The following SVEP1 variants were observed in gnomAD, a reference collection of about 807,000 sequenced individuals.
The protein encoded by SVEP1 is sushi, von Willebrand factor type A, EGF and pentraxin domain-containing protein 1.
Under a neutral mutation model 367.3 loss-of-function variants are expected in SVEP1, and 164 were observed. The ratio of observed to expected loss-of-function variants is 0.45; its 90% CI spans 0.39 to 0.51. SVEP1 has a LOEUF of 0.51. Ranked by LOEUF, SVEP1 falls within the 20% of genes least tolerant of loss-of-function variation. The probability of loss-of-function intolerance (pLI) is 0.00; values close to 1 mark genes in which losing one functional copy is unlikely to be tolerated. For synonymous variants in SVEP1, 1,666 were observed against 1,611.6 expected, an observed-to-expected ratio of 1.03 and a Z score of -0.81; for missense variants, 4,117 against 4,425.3, an observed-to-expected ratio of 0.93 and a Z score of 1.98.
intron 23 of SVEP1, 119 bp downstream of exon 23, chr9:110,451,170 T>C (rs1828687879): frequency 1.3e-6 from 1 of 756,612 alleles, no homozygotes; most frequent in Non-Finnish European, 2.1e-6. Flanking sequence ...TTCTCTTACA[T>C]AATCACCATA....
chr9:110,570,660 T>C (rs1198302979), intron 1 of SVEP1, among the ~76,000 whole-genome samples: 1 of 152,142 alleles, frequency 6.6e-6, no homozygotes. Flanking sequence ...TTTGTAGTTT[T>C]AGTAGAGACG....
intron 3 of SVEP1, among the ~76,000 whole-genome samples, chr9:110,536,057 G>GCT (rs1398370174): frequency 6.6e-6 from 1 of 151,354 alleles, no homozygotes; most frequent in Non-Finnish European, 1.5e-5. Flanking sequence ...TTCAAGTATT[G>GCT]TCCTCATTCA....
chr9:110,398,892 T>G (rs1827812345), intron 40 of SVEP1, among the ~76,000 whole-genome samples: 1 of 152,234 alleles, frequency 6.6e-6, no homozygotes, highest in African/African-American at 2.4e-5. Flanking sequence ...TTTACACTGT[T>G]GGTGAGACTG....
In SVEP1 at chr9:110,398,183, T is replaced by A. The variant is rs568539603; in HGVS notation, c.9822+2671A>T. On this transcript the variant is annotated intron_variant, in intron 40 of 47. Transcript: ENST00000374469. ...AACAGAACAGAGCCCTCAGAAATTATGCTGCATATCTACAACTATCTGATC... is the reference window on the plus strand; with the variant it reads ...AACAGAACAGAGCCCTCAGAAATTAAGCTGCATATCTACAACTATCTGATC... Among the ~76,000 whole-genome samples, 19 of 152,192 alleles carry A rather than the reference T, an allele frequency of 1.2e-4. 1 individual carries two copies. The South Asian group carries it at 3.3e-3, about 27-fold the overall frequency.
rs142455103 is a variant in SVEP1 at position 110,459,457 on chromosome 9, C to T, written c.3323-344G>A. On this transcript the variant is annotated intron_variant, in intron 18 of 47. Coordinates refer to ENST00000374469, the MANE Select transcript of SVEP1 (RefSeq NM_153366.4). The stretch of plus-strand genomic sequence containing the variant: ...AAAAATGTTGCATCTCATTGACAGA[C>T]CATGATTGAGCTAACTTTTCTACTA... Among the ~76,000 whole-genome samples the T allele has an allele frequency of 1.4e-4, 22 of 152,208 alleles. 1 individual carries two copies. In the East Asian group the frequency reaches 4.2e-3, roughly 29 times the overall value.
chr9:110,476,257 G>A lies in SVEP1; in HGVS notation c.2546C>T (p.Thr849Ile), dbSNP rs558201695. 72 of 1,613,102 alleles carry A rather than the reference G, an allele frequency of 4.5e-5. No homozygotes were observed. The highest frequency in any genetic ancestry group is 5.7e-5 in the Non-Finnish European group (67 of 1,179,490). Reference protein sequence around the residue: ...DIDCRLEENLTKKYCLEYNYD... With the variant: ...DIDCRLEENLIKKYCLEYNYD... Reference sequence around the variant, plus strand: ...ATTATATTCTAGGCAATATTTTTTGGTCAGGTTCTCCTCCAGTCTGCAGTC... The same window carrying A: ...ATTATATTCTAGGCAATATTTTTTGATCAGGTTCTCCTCCAGTCTGCAGTC... Residue 849 changes from threonine to isoleucine, a missense_variant, in exon 14 of 48, where the codon ACC (threonine) becomes ATC (isoleucine). This residue lies in a region of SVEP1 where 2,174 missense variants were observed against 2,494.3 expected (regional missense o/e 0.87). Transcript: ENST00000374469.
At chr9:110,466,860 G>C (rs1326963798) in intron 17 of SVEP1, among the ~76,000 whole-genome samples, 1 of 151,808 alleles carries the variant, frequency 6.6e-6, no homozygotes, top group Non-Finnish European at 1.5e-5. Flanking sequence ...CCAGTGGGGA[G>C]TAGAACATAA....
intron 27 of SVEP1, among the ~76,000 whole-genome samples, chr9:110,440,985 AT>A (rs1220196437): frequency 2.0e-5 from 3 of 152,226 alleles, no homozygotes; most frequent in Non-Finnish European, 4.4e-5. Context: ...CTCGTCCGGA[AT>A]TCTCTGTTTC....
chr9:110,551,311 C>G (rs1311617428), intron 1 of SVEP1, among the ~76,000 whole-genome samples: 1 of 152,168 alleles, frequency 6.6e-6, no homozygotes. Context: ...CCGTAGAAAG[C>G]AATCTTCATT....
chr9:110,562,371 T>C (rs1318150614), intron 1 of SVEP1, among the ~76,000 whole-genome samples: 3 of 152,192 alleles, frequency 2.0e-5, no homozygotes, highest in Non-Finnish European at 4.4e-5. Context: ...AGTAACTCTA[T>C]CATTTCAGTT....
chr9:110,562,687 T>TATC (rs1296943158), intron 1 of SVEP1, among the ~76,000 whole-genome samples: 1 of 152,064 alleles, frequency 6.6e-6, no homozygotes, highest in Non-Finnish European at 1.5e-5. Flanking sequence ...ATCACTTTTT[T>TATC]ATTATTATTA....
chr9:110,436,862 T>C (rs1828438130), intron 27 of SVEP1, among the ~76,000 whole-genome samples: 2 of 152,364 alleles, frequency 1.3e-5, no homozygotes, highest in South Asian at 4.1e-4. Flanking sequence ...TCTTTCTTAT[T>C]CCTTAAGCTA....
Position 110,505,662 on chromosome 9 carries a change from AC to A in SVEP1, c.1304-2446del, listed in dbSNP as rs970886334. On this transcript the variant is annotated intron_variant, in intron 5 of 47. Transcript: ENST00000374469. ...GAAGTATCATATTATATATCCAATA[AC>A]CTTTTTTAAATTCTCTCTCTCTCTC... Among the ~76,000 whole-genome samples, 7 of 151,674 alleles carry A rather than the reference AC, an allele frequency of 4.6e-5. No individual in the cohort carries two copies. The East Asian group carries it at 1.4e-3, about 29-fold the overall frequency.
chr9:110,405,529 ATAAT>A (rs999396892), intron 38 of SVEP1, among the ~76,000 whole-genome samples: 3 of 151,574 alleles, frequency 2.0e-5, no homozygotes, highest in African/African-American at 7.3e-5. Flanking sequence ...GGAATACAGC[ATAAT>A]TAATATGTAT....
rs1889323 is a variant in SVEP1, at chr9:110,446,915, T to G, written c.4246A>C (p.Lys1416Gln). 244,656 of 1,536,586 alleles carry G rather than the reference T, an allele frequency of 0.16. 21,023 individuals are homozygous for G. Among genetic ancestry groups the G allele is most frequent in the South Asian group, 0.22 (17,562 of 79,616 alleles). The part of the protein sequence containing the change: ...SCKCQPGFSG[K>Q]RCETEQSTGF... ...TGATACATACCTGTTTCACACCTTT[T>G]GCCTGAAAATCCTGGCTGACATTTA... Residue 1416 changes from lysine (K) to glutamine (Q), a missense_variant, in exon 25 of 48, where the codon AAA becomes CAA. Transcript: ENST00000374469.
chr9:110,471,671 C>G, intron 15 of SVEP1, 74 bp from the exon 16 acceptor site: 1 of 1,143,212 alleles, frequency 8.7e-7, no homozygotes, highest in South Asian at 1.6e-5. Context: ...TAATTTTTTA[C>G]CAAACAGAAA....
intron 3 of SVEP1, among the ~76,000 whole-genome samples, chr9:110,542,712 G>T (rs1366804985): frequency 6.6e-6 from 1 of 151,614 alleles, no homozygotes; most frequent in Non-Finnish European, 1.5e-5. Flanking sequence ...CTAGCAGTGG[G>T]CTTGGTGTGG....
At chr9:110,528,674 ATTTG>A (rs1829977067) in intron 3 of SVEP1, among the ~76,000 whole-genome samples, 1 of 151,414 alleles carries the variant, frequency 6.6e-6, no homozygotes, top group Non-Finnish European at 1.5e-5. Flanking sequence ...TTCCTTGCTG[ATTTG>A]TTTGAGTTCC....
chr9:110,473,648 A>G (rs1444028321), intron 14 of SVEP1, among the ~76,000 whole-genome samples: 1 of 152,206 alleles, frequency 6.6e-6, no homozygotes, highest in African/African-American at 2.4e-5. Context: ...GGTTATTTCA[A>G]ATGTTTAGAA....
Sources: allele counts gnomAD v4.1 joint callset (sites outside exome capture counted in the v4.1 genomes callset), GRCh38; gene constraint gnomAD v4.1.1; regional missense constraint gnomAD v4.1.1; transcripts MANE v1.5; gene names NCBI Gene and HGNC (gene_info 2026-07-23, HGNC 2026-07-21).